Variants in HPRT1 observed in about 807,000 individuals in gnomAD.
The protein encoded by HPRT1 is hypoxanthine phosphoribosyltransferase 1.
HPRT1 carries 4 observed loss-of-function variants against 19.0 expected under a neutral mutation model. The observed-to-expected ratio is 0.21, with a 90% CI of 0.10 to 0.48. The LOEUF (loss-of-function observed/expected upper bound fraction) is 0.48. Ranked by LOEUF, HPRT1 falls within the 20% of genes least tolerant of loss-of-function variation. The pLI is 0.98. For missense variants in HPRT1, 65 were observed against 164.0 expected (o/e 0.40, Z 3.30); for synonymous variants, 53 against 54.9 (o/e 0.97, Z 0.15).
At chrX:134,485,316 G>A (rs1283209274) in intron 3 of HPRT1, among the ~76,000 whole-genome samples, 1 of 111,315 alleles carries the variant, frequency 9.0e-6, no homozygotes, top group Non-Finnish European at 1.9e-5. Flanking sequence ...GGTTCTTATT[G>A]TTGGAGCCCA....
chrX:134,468,030 T>G (rs1002673486), intron 1 of HPRT1, among the ~76,000 whole-genome samples: 3 of 108,523 alleles, frequency 2.8e-5, no homozygotes, highest in African/African-American at 1.0e-4. Flanking sequence ...CAGGCTGGTC[T>G]CGAACTCTTG....
chrX:134,490,928 C>T (rs893842071), intron 5 of HPRT1, among the ~76,000 whole-genome samples: 2 of 106,745 alleles, frequency 1.9e-5, no homozygotes, highest in Non-Finnish European at 3.9e-5. Flanking sequence ...CCGTCAACTT[C>T]GTATTCCTCC....
chrX:134,476,630 T>TC (rs1484822854), intron 3 of HPRT1, among the ~76,000 whole-genome samples: 1 of 111,934 alleles, frequency 8.9e-6, no homozygotes, highest in Non-Finnish European at 1.9e-5. Flanking sequence ...ATAGCCTCCT[T>TC]CCCCATCCCC....
At chrX:134,475,120 T>A (rs2077621227) in intron 2 of HPRT1, 61 bp from the exon 3 acceptor site, 1 of 884,485 alleles carries the variant, frequency 1.1e-6, no homozygotes, top group African/African-American at 2.0e-5. Flanking sequence ...GACTAAGAGG[T>A]GTTTGTTATA....
At chrX:134,465,065 C>T (rs999663895) in intron 1 of HPRT1, among the ~76,000 whole-genome samples, 1 of 109,985 alleles carries the variant, frequency 9.1e-6, no homozygotes, top group African/African-American at 3.3e-5. Context: ...GAATTACAGG[C>T]GCCCGCCACC....
In HPRT1 at chrX:134,500,310, T is replaced by A; in HGVS notation, c.*233T>A. The A allele has an allele frequency of 1.3e-5, 5 of 371,736 alleles. No individual in the cohort carries two copies. In the East Asian group the frequency reaches 2.2e-4, roughly 16 times the overall value. The allele number at this position is 371,736 out of a possible 1,213,427, so 30.6% of individuals were successfully genotyped here. A position where few individuals can be genotyped will look rare whatever the true frequency, so the allele number is the denominator to read the frequency against. On this transcript the variant is annotated 3_prime_UTR_variant, in exon 9 of 9. Coordinates refer to ENST00000298556, the MANE Select transcript of HPRT1 (RefSeq NM_000194.3). ...CCCTTTGGGCGGATTGTTGTTTAAC[T>A]TGTAAATGAAAAAATTCTCTTAAAC... is the stretch of plus-strand genomic sequence containing the variant.
chrX:134,481,491 C>CTCTG (rs2077639355), intron 3 of HPRT1, among the ~76,000 whole-genome samples: 14 of 101,209 alleles, frequency 1.4e-4, no homozygotes, highest in Admixed American at 1.1e-3. Flanking sequence ...TTGTCTCTAT[C>CTCTG]TCTATCTGTC....
chrX:134,491,868 A>T (rs1468142078), intron 5 of HPRT1, among the ~76,000 whole-genome samples: 2 of 104,814 alleles, frequency 1.9e-5, no homozygotes, highest in Non-Finnish European at 3.9e-5. Flanking sequence ...AGTAGCTGGG[A>T]CTACAGGTGT....
In HPRT1 at chrX:134,493,589, A is replaced by G; in HGVS notation, c.484A>G (p.Ser162Gly). 1 of 1,163,081 alleles carries G rather than the reference A, an allele frequency of 8.6e-7. No homozygotes were observed. Among genetic ancestry groups the G allele is most frequent in the Non-Finnish European group, 1.2e-6 (1 of 850,933 alleles). Residue 162 changes from serine (S) to glycine (G), a missense_variant and splice_region_variant, in exon 6 of 9, where the codon AGC becomes GGC. Transcript: ENST00000298556. ...QYNPKMVKVA[S>G]LLVKRTPRSV... ...TAATCCAAAGATGGTCAAGGTCGCAAGGTATGTATGACATTTTGACACAGA... is the reference window on the plus strand; with the variant it reads ...TAATCCAAAGATGGTCAAGGTCGCAGGGTATGTATGACATTTTGACACAGA...
chrX:134,472,589 G>A (rs1410285693), intron 1 of HPRT1, among the ~76,000 whole-genome samples: 4 of 111,160 alleles, frequency 3.6e-5, no homozygotes, highest in African/African-American at 9.8e-5. Flanking sequence ...TTTTAAAGAC[G>A]AAATCTCGCT....
chrX:134,479,998 G>A (rs1357230986), intron 3 of HPRT1, among the ~76,000 whole-genome samples: 1 of 110,954 alleles, frequency 9.0e-6, no homozygotes, highest in East Asian at 2.8e-4. Context: ...TGATACACAA[G>A]TAAATTTTAT....
chrX:134,483,636 T>A (rs536156353), intron 3 of HPRT1, among the ~76,000 whole-genome samples: 1 of 110,532 alleles, frequency 9.0e-6, no homozygotes, highest in Admixed American at 9.7e-5. Flanking sequence ...TTAACCATAA[T>A]TAAAGATGAG....
intron 1 of HPRT1, among the ~76,000 whole-genome samples, chrX:134,466,812 A>C (rs2077598042): frequency 8.9e-6 from 1 of 111,837 alleles, no homozygotes; most frequent in African/African-American, 3.2e-5. Flanking sequence ...TCAGTTTACA[A>C]TCTAGGCAGT....
intron 1 of HPRT1, among the ~76,000 whole-genome samples, chrX:134,470,297 A>C (rs1188114511): frequency 1.8e-5 from 2 of 111,900 alleles, no homozygotes; most frequent in Non-Finnish European, 3.8e-5. Context: ...TTACGGGCCA[A>C]CCTGACAATA....
At chrX:134,488,860 C>G (rs1260585207) in intron 4 of HPRT1, among the ~76,000 whole-genome samples, 1 of 111,758 alleles carries the variant, frequency 8.9e-6, no homozygotes, top group African/African-American at 3.3e-5. Flanking sequence ...TGGATTGACC[C>G]TATTTTTTGT....
intron 6 of HPRT1, among the ~76,000 whole-genome samples, chrX:134,497,712 C>T (rs776640280): frequency 1.8e-5 from 2 of 110,953 alleles, no homozygotes; most frequent in South Asian, 3.8e-4. Flanking sequence ...TTTGGGAGAC[C>T]GAGGTGGGCG....
Position 134,500,369 on chromosome X carries a change from T to C in HPRT1, c.*292T>C. 3.9e-6 allele frequency: 1 copy of C among 255,525 alleles called. No homozygotes were observed. The highest frequency in any genetic ancestry group is 6.9e-6 in the Non-Finnish European group (1 of 144,671). The allele number at this position is 255,525 out of a possible 1,213,427, so 21.1% of individuals were successfully genotyped here. A position where few individuals can be genotyped will look rare whatever the true frequency, so the allele number is the denominator to read the frequency against. ...TATTGAGTGAAACATTGAACTCATA[T>C]CTGTAAGAAATAAAGAGAAGATATA... On this transcript the variant is annotated 3_prime_UTR_variant, in exon 9 of 9. Transcript: ENST00000298556.
chrX:134,480,961 T>C (rs1298557088), intron 3 of HPRT1, among the ~76,000 whole-genome samples: 1 of 108,825 alleles, frequency 9.2e-6, no homozygotes, highest in Non-Finnish European at 1.9e-5. Flanking sequence ...CAGAAAATAT[T>C]GGAGTATTTT....
chrX:134,492,251 A>G (rs1488416733), intron 5 of HPRT1, among the ~76,000 whole-genome samples: 3 of 107,902 alleles, frequency 2.8e-5, no homozygotes, highest in African/African-American at 1.0e-4. Flanking sequence ...CTGAATACCT[A>G]CGTACCCACA....
Sources: gnomAD v4.1 joint callset for allele counts (sites outside exome capture counted in the v4.1 genomes callset) on GRCh38, gnomAD v4.1.1 for gene constraint, MANE v1.5 for transcripts, NCBI Gene and HGNC (gene_info 2026-07-23, HGNC 2026-07-21) for gene names.